FRMD3: variants seen among roughly 807,000 people sequenced by gnomAD.
The protein encoded by FRMD3 is FERM domain-containing protein 3.
A neutral mutation model predicts 70.2 loss-of-function variants in FRMD3; 33 were observed. The observed-to-expected ratio is 0.47, with a 90% CI of 0.36 to 0.63. FRMD3 has a LOEUF of 0.63. Among genes scored for constraint, FRMD3 ranks in the 20% least tolerant of loss-of-function variants. FRMD3 has a pLI of 0.00. For synonymous variants in FRMD3, 279 were observed against 255.9 expected (o/e 1.09, Z -0.86); for missense variants, 632 against 711.4 (o/e 0.89, Z 1.27).
chr9:83,431,655 G>C (rs1282101916), intron 1 of FRMD3, among the ~76,000 whole-genome samples: 2 of 152,054 alleles, frequency 1.3e-5, no homozygotes, highest in Admixed American at 6.5e-5. Context: ...AAGGTATAAA[G>C]GTGTCAAAAG....
intron 1 of FRMD3, among the ~76,000 whole-genome samples, chr9:83,400,934 G>A (rs893663223): frequency 6.6e-6 from 1 of 152,060 alleles, no homozygotes; most frequent in Non-Finnish European, 1.5e-5. Flanking sequence ...CTGTGATCTG[G>A]AATATTTGCT....
intron 5 of FRMD3, among the ~76,000 whole-genome samples, chr9:83,335,967 A>C (rs1290544129): frequency 6.6e-6 from 1 of 152,198 alleles, no homozygotes; most frequent in African/African-American, 2.4e-5. Context: ...TTTCTAAGGA[A>C]CTGTAGGACA....
Position 83,247,263 on chromosome 9 carries a change from G to C in FRMD3, c.*655C>G. 2 of 984,754 alleles carry C rather than the reference G, an allele frequency of 2.0e-6. No homozygotes were observed. Among genetic ancestry groups the C allele is most frequent in the Non-Finnish European group, 2.4e-6 (2 of 829,760 alleles). 61.0% of individuals were successfully genotyped at this position (984,754 alleles called of 1,614,324 possible). A position where few individuals can be genotyped will look rare whatever the true frequency, so the allele number is the denominator to read the frequency against. On this transcript the variant is annotated 3_prime_UTR_variant, in exon 14 of 14. Transcript: ENST00000304195. The stretch of plus-strand genomic sequence containing the variant: ...TCCTATGCAGATCATAACAAATTAT[G>C]GTATTGTTCAGCCAAAAATATTTTT...
At chr9:83,544,656 G>T in the FRMD3 span, among the ~76,000 whole-genome samples, 1 of 152,196 alleles carries the variant, frequency 6.6e-6, no homozygotes, top group African/African-American at 2.4e-5. Context: ...TAGGGACCGA[G>T]ATAAGTTTCT....
intron 6 of FRMD3, among the ~76,000 whole-genome samples, chr9:83,319,837 C>T (rs754371989): frequency 1.3e-5 from 2 of 152,202 alleles, no homozygotes; most frequent in Non-Finnish European, 2.9e-5. Flanking sequence ...GTGACTTGCT[C>T]CTCCTTGCCT....
intron 4 of FRMD3, among the ~76,000 whole-genome samples, chr9:83,345,777 G>T (rs937379874): frequency 5.9e-5 from 9 of 151,526 alleles, no homozygotes; most frequent in East Asian, 2.0e-4. Context: ...TAAAAATAAA[G>T]AAATTAATTA....
intron 1 of FRMD3, among the ~76,000 whole-genome samples, chr9:83,442,693 C>T (rs1827338572): frequency 1.3e-5 from 2 of 152,074 alleles, no homozygotes; most frequent in Admixed American, 6.5e-5. Context: ...CAACCCCAGA[C>T]CACCTCTTGG....
intron 1 of FRMD3, among the ~76,000 whole-genome samples, chr9:83,400,465 G>T (rs1825922489): frequency 6.6e-6 from 1 of 152,154 alleles, no homozygotes; most frequent in Non-Finnish European, 1.5e-5. Flanking sequence ...CAAGATGTCA[G>T]TTCTTTTCAA....
chr9:83,304,630 C>G (rs1161593467), intron 10 of FRMD3, among the ~76,000 whole-genome samples: 1 of 152,186 alleles, frequency 6.6e-6, no homozygotes, highest in Non-Finnish European at 1.5e-5. Context: ...GCACACAATT[C>G]CAAAACAAAT....
chr9:83,246,781 T>C lies in FRMD3; in HGVS notation c.*1137A>G, dbSNP rs977384847. 1.0e-6 allele frequency: 1 copy of C among 985,122 alleles called. No individual in the cohort carries two copies. The highest frequency in any genetic ancestry group is 1.2e-6 in the Non-Finnish European group (1 of 829,866). 61.0% of individuals were successfully genotyped at this position (985,122 alleles called of 1,614,324 possible). A position where few individuals can be genotyped will look rare whatever the true frequency, so the allele number is the denominator to read the frequency against. ...ATATTTACCTTAAAGTTTCTCCACT[T>C]TTATTTAGATCCACTTAAACATGTT... is the stretch of plus-strand genomic sequence containing the variant. On this transcript the variant is annotated 3_prime_UTR_variant, in exon 14 of 14. Coordinates refer to ENST00000304195, the MANE Select transcript of FRMD3 (RefSeq NM_174938.6).
intron 6 of FRMD3, among the ~76,000 whole-genome samples, chr9:83,323,522 G>T (rs1005875009): frequency 2.0e-5 from 3 of 152,158 alleles, no homozygotes; most frequent in Non-Finnish European, 4.4e-5. Context: ...TTGCCTTCAT[G>T]AATATATTCA....
chr9:83,530,621 G>T (rs550291206), intron 1 of FRMD3, among the ~76,000 whole-genome samples: 1 of 152,114 alleles, frequency 6.6e-6, no homozygotes, highest in African/African-American at 2.4e-5. Context: ...TTAAGTGGGC[G>T]TACTACAAGG....
chr9:83,384,323 T>C (rs970990423), intron 2 of FRMD3, among the ~76,000 whole-genome samples: 2 of 152,136 alleles, frequency 1.3e-5, no homozygotes, highest in African/African-American at 4.8e-5. Context: ...AGCTGTGAAG[T>C]AATTATCCCG....
At chr9:83,311,841 C>A in intron 8 of FRMD3, 46 bp downstream of exon 8, 1 of 1,351,948 alleles carries the variant, frequency 7.4e-7, no homozygotes, top group Non-Finnish European at 1.1e-6. Context: ...ACGGAGGAAT[C>A]AAGATTAAGA....
chr9:83,454,601 T>C (rs151108856), intron 1 of FRMD3, among the ~76,000 whole-genome samples: 5 of 152,328 alleles, frequency 3.3e-5, no homozygotes, highest in African/African-American at 1.2e-4. Flanking sequence ...TCTCTATATT[T>C]CATGTTTATT....
At chr9:83,570,300 G>A in the FRMD3 span, among the ~76,000 whole-genome samples, 1 of 152,164 alleles carries the variant, frequency 6.6e-6, no homozygotes, top group African/African-American at 2.4e-5. Flanking sequence ...TATCTGAGGG[G>A]AAATAAGCAG....
intron 1 of FRMD3, among the ~76,000 whole-genome samples, chr9:83,535,395 G>A (rs927911409): frequency 6.6e-6 from 1 of 152,110 alleles, no homozygotes; most frequent in African/African-American, 2.4e-5. Context: ...AGACTAATGA[G>A]CTCCCAAGGA....
intron 1 of FRMD3, 128 bp from the exon 2 acceptor site, chr9:83,389,836 A>T: frequency 1.6e-6 from 1 of 639,842 alleles, no homozygotes; most frequent in Non-Finnish European, 2.8e-6. Context: ...TCCCTGAAGA[A>T]GGGGCTTCCA....
intron 1 of FRMD3, among the ~76,000 whole-genome samples, chr9:83,391,006 T>C (rs572166949): frequency 1.3e-5 from 2 of 152,076 alleles, no homozygotes; most frequent in African/African-American, 4.8e-5. Context: ...CTGCAGACAA[T>C]GCAGTGATTA....
Sources: allele counts gnomAD v4.1 joint callset (sites outside exome capture counted in the v4.1 genomes callset), GRCh38; gene constraint gnomAD v4.1.1; transcripts MANE v1.5; gene names NCBI Gene and HGNC (gene_info 2026-07-23, HGNC 2026-07-21).